Variants in CCDC73 observed in about 807,000 individuals in gnomAD.
CCDC73 encodes the protein coiled-coil domain containing 73.
CCDC73 carries 95 observed loss-of-function variants against 116.5 expected under a neutral mutation model. That is an observed-to-expected ratio of 0.82 (90% CI 0.69 to 0.97). CCDC73 has a LOEUF of 0.97. CCDC73 is among the 50% of genes least tolerant of loss of function. CCDC73 has a pLI of 0.00. For synonymous variants in CCDC73, 398 were observed against 401.3 expected (o/e 0.99, Z 0.10); for missense variants, 1,066 against 1,206.8 (o/e 0.88, Z 1.73).
At chr11:32,734,228 A>C (rs1188531931) in intron 2 of CCDC73, among the ~76,000 whole-genome samples, 1 of 152,124 alleles carries the variant, frequency 6.6e-6, no homozygotes, top group Admixed American at 6.6e-5. Flanking sequence ...CGAGGAAGAA[A>C]TTGATCTCTG....
chr11:32,830,387 C>G, the CCDC73 span: 1 of 936,484 alleles, frequency 1.1e-6, no homozygotes, highest in African/African-American at 1.7e-5. Flanking sequence ...ACCGAAACCG[C>G]GCGCCGGGCG....
At chr11:32,671,818 T>C (rs987324596) in intron 9 of CCDC73, among the ~76,000 whole-genome samples, 3 of 152,168 alleles carry the variant, frequency 2.0e-5, no homozygotes, top group Non-Finnish European at 4.4e-5. Context: ...CTGACACTAA[T>C]AGTTTCTAGA....
chr11:32,819,001 C>A, the CCDC73 span, among the ~76,000 whole-genome samples: 1 of 152,018 alleles, frequency 6.6e-6, no homozygotes, highest in Non-Finnish European at 1.5e-5. Flanking sequence ...GTTGGTTGCA[C>A]AACATTGTAA....
intron 2 of CCDC73, among the ~76,000 whole-genome samples, chr11:32,754,126 C>T (rs115571525): frequency 0.017 from 2,576 of 152,232 alleles, 63 homozygotes; most frequent in African/African-American, 0.058. Flanking sequence ...ATGTTATTGG[C>T]TATTCTCATG....
chr11:32,763,410 G>A (rs917330186), intron 1 of CCDC73, among the ~76,000 whole-genome samples: 1 of 152,322 alleles, frequency 6.6e-6, no homozygotes, highest in Admixed American at 6.5e-5. Context: ...CCAGAGGAAC[G>A]ATCAGGCAGC....
Position 32,635,774 on chromosome 11 carries a change from T to C in CCDC73, c.1107A>G (p.Lys369=). ...GTTCTTGTAACTTAATATGAGTTTC[T>C]TTAAGGGATGATAATTCATTTTTAA... ...NKIKNELSSL[K]ETHIKLQEHY... The change falls in exon 14 of 18, where the codon AAA becomes AAG. Residue 369 remains lysine, a synonymous_variant. Coordinates refer to ENST00000335185, the MANE Select transcript of CCDC73 (RefSeq NM_001008391.4). 2 of 1,264,320 alleles carry C rather than the reference T, an allele frequency of 1.6e-6. No individual in the cohort carries two copies. The highest frequency in any genetic ancestry group is 2.0e-6 in the Non-Finnish European group (2 of 978,278). The allele number at this position is 1,264,320 out of a possible 1,614,324, so 78.3% of individuals were successfully genotyped here. A position where few individuals can be genotyped will look rare whatever the true frequency, so the allele number is the denominator to read the frequency against.
rs1590614190 is a variant in CCDC73 at position 32,724,444 on chromosome 11, A to G, written c.136-6297T>C. The stretch of plus-strand genomic sequence containing the variant: ...AATTCTCTTAAGGCATAGATTGAGA[A>G]ATGGTTTATAAAAGGTTATCGAATT... On this transcript the variant is annotated intron_variant, in intron 2 of 17. Coordinates refer to ENST00000335185, the MANE Select transcript of CCDC73 (RefSeq NM_001008391.4). Among the ~76,000 whole-genome samples the G allele has an allele frequency of 2.0e-5, 3 of 152,292 alleles. No homozygotes were observed. The East Asian group carries it at 5.8e-4, about 29-fold the overall frequency.
chr11:32,619,677 A>T (rs556133303), intron 14 of CCDC73, among the ~76,000 whole-genome samples: 1 of 152,022 alleles, frequency 6.6e-6, no homozygotes, highest in East Asian at 1.9e-4. Context: ...TGTTGAAGAA[A>T]GAAGGAGAAG....
intron 12 of CCDC73, 97 bp downstream of exon 12, chr11:32,653,026 A>G (rs909000227): frequency 1.2e-5 from 8 of 690,942 alleles, no homozygotes; most frequent in African/African-American, 3.6e-5. Flanking sequence ...TAATCTCAAT[A>G]AAACTGGACA....
At chr11:32,707,748 C>T (rs1849867821) in intron 3 of CCDC73, among the ~76,000 whole-genome samples, 1 of 152,060 alleles carries the variant, frequency 6.6e-6, no homozygotes, top group Admixed American at 6.5e-5. Flanking sequence ...TGTATCACTC[C>T]TGATGAATTA....
At position 32,614,289 on chromosome 11, in the gene CCDC73, A is replaced by G. The variant is rs201707044; in HGVS notation, c.2029T>C (p.Leu677=). ...LLTKKSECSI[L]LSKQTSDFLQ... ...AAATCTGAAGTTTGTTTAGAAAGTA[A>G]TATGCTGCACTCACTTTTTTTAGTT... is the stretch of plus-strand genomic sequence containing the variant. The change falls in exon 16 of 18, where the codon TTA becomes CTA. Residue 677 remains leucine, a synonymous_variant. Coordinates refer to ENST00000335185, the MANE Select transcript of CCDC73 (RefSeq NM_001008391.4). 4.6e-5 allele frequency: 75 copies of G among 1,613,314 alleles called. No homozygotes were observed. In the Middle Eastern group the frequency reaches 4.9e-4, roughly 11 times the overall value.
intron 9 of CCDC73, among the ~76,000 whole-genome samples, chr11:32,672,609 A>G (rs1369970788): frequency 1.3e-5 from 2 of 152,210 alleles, no homozygotes; most frequent in Admixed American, 6.5e-5. Flanking sequence ...ATAGTTATTT[A>G]TATTTGTATT....
chr11:32,667,311 C>G (rs960507026), intron 9 of CCDC73, among the ~76,000 whole-genome samples: 1 of 152,234 alleles, frequency 6.6e-6, no homozygotes, highest in Admixed American at 6.5e-5. Flanking sequence ...TGGGCTCCAC[C>G]CAGTTCGAGC....
chr11:32,786,825 T>C (rs890683168), intron 1 of CCDC73, among the ~76,000 whole-genome samples: 3 of 152,154 alleles, frequency 2.0e-5, no homozygotes, highest in Admixed American at 2.0e-4. Context: ...ACTGTCATTC[T>C]ACTTAAATTA....
At chr11:32,687,419 G>A (rs1856211863) in intron 6 of CCDC73, among the ~76,000 whole-genome samples, 1 of 152,176 alleles carries the variant, frequency 6.6e-6, no homozygotes, top group African/African-American at 2.4e-5. Context: ...TAAGGAAAGA[G>A]GGGGCAGCAG....
intron 2 of CCDC73, among the ~76,000 whole-genome samples, chr11:32,746,184 A>C (rs1272052205): frequency 2.0e-5 from 3 of 152,200 alleles, no homozygotes; most frequent in Non-Finnish European, 2.9e-5. Context: ...TTCACTTATG[A>C]AGCTCAGTTT....
chr11:32,675,189 A>G (rs1856075305), intron 9 of CCDC73, among the ~76,000 whole-genome samples: 1 of 152,224 alleles, frequency 6.6e-6, no homozygotes. Context: ...TAACTTTCGT[A>G]AAAGTAGAAA....
chr11:32,620,234 T>C (rs1046868410), intron 14 of CCDC73, among the ~76,000 whole-genome samples: 1 of 152,156 alleles, frequency 6.6e-6, no homozygotes, highest in Non-Finnish European at 1.5e-5. Context: ...GTGGCAGCTG[T>C]TGGCTGGGGT....
At chr11:32,633,835 T>C (rs955644136) in intron 14 of CCDC73, among the ~76,000 whole-genome samples, 1 of 152,162 alleles carries the variant, frequency 6.6e-6, no homozygotes, top group Non-Finnish European at 1.5e-5. Context: ...TTGTTTGTAC[T>C]AATAGTTTAG....
Sources: gnomAD v4.1 joint callset for allele counts (sites outside exome capture counted in the v4.1 genomes callset) on GRCh38, gnomAD v4.1.1 for gene constraint, MANE v1.5 for transcripts, NCBI Gene and HGNC (gene_info 2026-07-23, HGNC 2026-07-21) for gene names.